The following TBL1XR1 variants were observed in gnomAD, a reference collection of about 807,000 sequenced individuals.
TBL1XR1 encodes TBL1X/Y related 1.
TBL1XR1 carries 5 observed loss-of-function variants against 66.9 expected under a neutral mutation model. That is an observed-to-expected ratio of 0.07 (90% confidence interval 0.04 to 0.16). The LOEUF is 0.16. Ranked by LOEUF, TBL1XR1 falls within the 10% of genes least tolerant of loss-of-function variation. TBL1XR1 has a pLI of 1.00. For synonymous variants in TBL1XR1, 210 were observed against 206.0 expected (o/e 1.02, Z -0.17); for missense variants, 238 against 623.2 (o/e 0.38, Z 6.58).
chr3:177,043,654 C>T (rs1470989077), intron 10 of TBL1XR1, among the ~76,000 whole-genome samples: 1 of 152,116 alleles, frequency 6.6e-6, no homozygotes, highest in African/African-American at 2.4e-5. Flanking sequence ...TTCAGTCTCA[C>T]AATCTCTGCC....
intron 4 of TBL1XR1, among the ~76,000 whole-genome samples, chr3:177,052,844 C>T (rs974177660): frequency 2.0e-5 from 3 of 152,196 alleles, no homozygotes; most frequent in Non-Finnish European, 4.4e-5. Context: ...TGGCTCATGC[C>T]TGTAATTCCA....
chr3:177,133,027 G>A (rs1053215596), intron 1 of TBL1XR1, among the ~76,000 whole-genome samples: 1 of 152,152 alleles, frequency 6.6e-6, no homozygotes. Context: ...GGTGGCTCAC[G>A]CCTGGAATCC....
chr3:177,194,364 T>C (rs1203274858), intron 1 of TBL1XR1, among the ~76,000 whole-genome samples: 3 of 152,224 alleles, frequency 2.0e-5, no homozygotes, highest in Admixed American at 1.3e-4. Flanking sequence ...TCACATGCAC[T>C]AGAAAAATAC....
At chr3:177,144,998 C>A (rs1730081191) in intron 1 of TBL1XR1, among the ~76,000 whole-genome samples, 1 of 152,178 alleles carries the variant, frequency 6.6e-6, no homozygotes, top group Non-Finnish European at 1.5e-5. Context: ...CTGCAGTTTG[C>A]CAACCCCTGC....
intron 1 of TBL1XR1, among the ~76,000 whole-genome samples, chr3:177,121,032 C>T (rs1726921131): frequency 6.6e-6 from 1 of 152,186 alleles, no homozygotes; most frequent in Non-Finnish European, 1.5e-5. Flanking sequence ...TTAAATACTG[C>T]ATACTACAAT....
intron 1 of TBL1XR1, among the ~76,000 whole-genome samples, chr3:177,105,835 A>T (rs1372778181): frequency 6.6e-6 from 1 of 151,948 alleles, no homozygotes; most frequent in Non-Finnish European, 1.5e-5. Context: ...ACTGAGAACC[A>T]CTGGGTGGGG....
chr3:177,065,515 C>CTCA (rs1275084039), intron 2 of TBL1XR1, among the ~76,000 whole-genome samples: 1 of 152,150 alleles, frequency 6.6e-6, no homozygotes, highest in African/African-American at 2.4e-5. Context: ...TTCTCACCAT[C>CTCA]TCATCTGTAA....
upstream of TBL1XR1, among the ~76,000 whole-genome samples, chr3:177,197,818 A>G (rs1372501996): frequency 6.8e-6 from 1 of 146,098 alleles, no homozygotes; most frequent in Non-Finnish European, 1.5e-5. Flanking sequence ...CCCCGCGGGC[A>G]CTCGAAGGCG....
rs1560278724 is a variant in TBL1XR1 at position 177,186,894 on chromosome 3, T to TG, written c.-122+10226dup. ...TAAAAGTCAGGAGTTCGGCCAGGCG[T>TG]GGTGGCTCACGCCTGTAATTCCAGC... On this transcript the variant is annotated intron_variant, in intron 1 of 15. Transcript: ENST00000457928. Among the ~76,000 whole-genome samples the TG allele has an allele frequency of 5.3e-5, 8 of 151,646 alleles. No individual in the cohort carries two copies. In the East Asian group the frequency reaches 1.6e-3, roughly 29 times the overall value.
intron 1 of TBL1XR1, chr3:177,161,032 G>T (rs1732149975): frequency 6.6e-6 from 1 of 151,520 alleles, no homozygotes; most frequent in South Asian, 2.1e-4. Context: ...ACATTCTCTA[G>T]AAATGTAAAA....
At chr3:177,179,910 G>GAAC (rs1734604630) in intron 1 of TBL1XR1, among the ~76,000 whole-genome samples, 1 of 152,074 alleles carries the variant, frequency 6.6e-6, no homozygotes, top group Admixed American at 6.6e-5. Context: ...ACAAAAAAGG[G>GAAC]AACAAACCAA....
At chr3:177,191,722 T>C (rs1736165029) in intron 1 of TBL1XR1, among the ~76,000 whole-genome samples, 1 of 152,026 alleles carries the variant, frequency 6.6e-6, no homozygotes, top group African/African-American at 2.4e-5. Flanking sequence ...AAAAATAAAA[T>C]AAAACCACCT....
chr3:177,074,996 ACT>A (rs1203922268), intron 2 of TBL1XR1, among the ~76,000 whole-genome samples: 1 of 152,160 alleles, frequency 6.6e-6, no homozygotes, highest in African/African-American at 2.4e-5. Flanking sequence ...ACCACAAAGT[ACT>A]CTCAAAATCC....
intron 14 of TBL1XR1, among the ~76,000 whole-genome samples, chr3:177,029,118 T>TGAA (rs1008851877): frequency 6.8e-6 from 1 of 147,506 alleles, no homozygotes; most frequent in African/African-American, 2.5e-5. Flanking sequence ...TATTAAGCTA[T>TGAA]GAAAAAAAAA....
At chr3:177,051,777 T>C in intron 4 of TBL1XR1, 51 bp from the exon 5 acceptor site, 1 of 1,410,354 alleles carries the variant, frequency 7.1e-7, no homozygotes, top group Non-Finnish European at 9.3e-7. Flanking sequence ...ATATTTAAAG[T>C]TATTTGTATT....
chr3:177,062,593 C>T (rs1312305917), intron 3 of TBL1XR1, among the ~76,000 whole-genome samples: 1 of 152,126 alleles, frequency 6.6e-6, no homozygotes, highest in Non-Finnish European at 1.5e-5. Context: ...CAGGAAGTTA[C>T]AATTTTTACC....
At chr3:177,149,073 A>G (rs571177938) in intron 1 of TBL1XR1, among the ~76,000 whole-genome samples, 4 of 152,284 alleles carry the variant, frequency 2.6e-5, no homozygotes, top group African/African-American at 9.6e-5. Flanking sequence ...GTAAGCAATG[A>G]GCAGAGCTTC....
intron 1 of TBL1XR1, among the ~76,000 whole-genome samples, chr3:177,180,599 T>G (rs1734705120): frequency 6.6e-6 from 1 of 152,152 alleles, no homozygotes; most frequent in South Asian, 2.1e-4. Flanking sequence ...GACAGTAAAT[T>G]CTGGTTTCTA....
chr3:177,179,859 C>A (rs1184638390), intron 1 of TBL1XR1, among the ~76,000 whole-genome samples: 4 of 152,058 alleles, frequency 2.6e-5, no homozygotes, highest in African/African-American at 9.7e-5. Flanking sequence ...GCAAATGAGG[C>A]TAGATAAAAT....
Sources: allele counts gnomAD v4.1 joint callset (sites outside exome capture counted in the v4.1 genomes callset), GRCh38; gene constraint gnomAD v4.1.1; transcripts MANE v1.5; gene names NCBI Gene and HGNC (gene_info 2026-07-23, HGNC 2026-07-21).